MGRN1: variants seen among roughly 807,000 people sequenced by gnomAD.
The protein encoded by MGRN1 is E3 ubiquitin-protein ligase MGRN1.
Under a neutral mutation model 69.2 loss-of-function variants are expected in MGRN1, and 29 were observed. The ratio of observed to expected loss-of-function variants is 0.42; its 90% CI spans 0.31 to 0.57. The LOEUF (loss-of-function observed/expected upper bound fraction) is 0.57, where lower values mean the gene tolerates loss of function less well. MGRN1 is among the 20% of genes least tolerant of loss of function. The pLI is 0.15. For missense variants in MGRN1, 998 were observed against 796.2 expected (o/e 1.25, Z -3.05); for synonymous variants, 470 against 344.2 (o/e 1.37, Z -4.04).
At chr16:4,669,776 G>C (rs1283393988) in intron 8 of MGRN1, among the ~76,000 whole-genome samples, 1 of 152,158 alleles carries the variant, frequency 6.6e-6, no homozygotes, top group Non-Finnish European at 1.5e-5. Flanking sequence ...AAATAGTTGA[G>C]AATAAATGGA....
chr16:4,638,609 G>A (rs913167755), intron 1 of MGRN1, among the ~76,000 whole-genome samples: 1 of 152,228 alleles, frequency 6.6e-6, no homozygotes, highest in Non-Finnish European at 1.5e-5. Flanking sequence ...GCACTCGAAG[G>A]CTGTGGGGCT....
At chr16:4,671,514 A>C in intron 9 of MGRN1, 55 bp downstream of exon 9, 1 of 1,531,450 alleles carries the variant, frequency 6.5e-7, no homozygotes, top group Non-Finnish European at 9.1e-7. Context: ...CACCAGGAGC[A>C]GCCGCGGACA....
intron 6 of MGRN1, 87 bp downstream of exon 6, chr16:4,664,862 T>C: frequency 6.5e-7 from 1 of 1,543,554 alleles, no homozygotes; most frequent in Non-Finnish European, 8.9e-7. Flanking sequence ...GCAGCAGTGA[T>C]GAAGCAGGCC....
At chr16:4,638,051 G>C (rs569112680) in intron 1 of MGRN1, among the ~76,000 whole-genome samples, 1 of 152,352 alleles carries the variant, frequency 6.6e-6, no homozygotes, top group African/African-American at 2.4e-5. Context: ...TTACATATGG[G>C]AGGTCCGAAA....
chr16:4,647,931 A>C (rs1403821499), intron 1 of MGRN1, among the ~76,000 whole-genome samples: 1 of 151,800 alleles, frequency 6.6e-6, no homozygotes, highest in Non-Finnish European at 1.5e-5. Context: ...AGCACCCTGG[A>C]ATCACTGTTG....
At position 4,689,109 on chromosome 16, in the gene MGRN1, T is replaced by C. The variant is rs914138100; in HGVS notation, c.*201T>C. On this transcript the variant is annotated 3_prime_UTR_variant, in exon 17 of 17. Coordinates refer to ENST00000262370, the MANE Select transcript of MGRN1 (RefSeq NM_015246.4). ...CCCTTTTCTACAGTTGATATATTTG[T>C]AACTGGTACAAGATGAAGGACAGCA... The C allele has an allele frequency of 1.5e-6, 1 of 667,714 alleles. No individual in the cohort carries two copies. Among genetic ancestry groups the C allele is most frequent in the Non-Finnish European group, 2.3e-6 (1 of 426,638 alleles). The allele number at this position is 667,714 out of a possible 1,614,324, so 41.4% of individuals were successfully genotyped here. A position where few individuals can be genotyped will look rare whatever the true frequency, so the allele number is the denominator to read the frequency against.
intron 1 of MGRN1, among the ~76,000 whole-genome samples, chr16:4,640,793 C>T (rs539717515): frequency 3.9e-5 from 6 of 152,326 alleles, no homozygotes; most frequent in Admixed American, 2.0e-4. Flanking sequence ...CTCCTGTCCC[C>T]GTGGTCCCCC....
chr16:4,628,546 T>C (rs80100774), intron 1 of MGRN1, among the ~76,000 whole-genome samples: 1 of 152,066 alleles, frequency 6.6e-6, no homozygotes, highest in Non-Finnish European at 1.5e-5. Context: ...ATCAGCGATC[T>C]GCTTTCTTTT....
Position 4,670,876 on chromosome 16 carries a change from G to A in MGRN1, c.727-515G>A, listed in dbSNP as rs75493411. 3.2e-4 allele frequency among the ~76,000 whole-genome samples: 48 copies of A among 152,336 alleles called. 1 individual carries two copies. The East Asian group carries it at 7.3e-3, about 23-fold the overall frequency. On this transcript the variant is annotated intron_variant, in intron 8 of 16. Coordinates refer to ENST00000262370, the MANE Select transcript of MGRN1 (RefSeq NM_015246.4). Reference sequence around the variant, plus strand: ...CCCATGGTCTCTGGGAAACCCAGCAGCACAAACCGCTTTGCAATGTGGTCA... The same window carrying A: ...CCCATGGTCTCTGGGAAACCCAGCAACACAAACCGCTTTGCAATGTGGTCA...
intron 16 of MGRN1, 82 bp downstream of exon 16, chr16:4,684,014 GC>G: frequency 8.2e-7 from 1 of 1,218,210 alleles, no homozygotes; most frequent in Non-Finnish European, 1.2e-6. Flanking sequence ...GATGGTCGGT[GC>G]ATAGCAGCAG....
At chr16:4,663,798 G>A (rs2078738005) in intron 5 of MGRN1, among the ~76,000 whole-genome samples, 1 of 152,250 alleles carries the variant, frequency 6.6e-6, no homozygotes, top group Non-Finnish European at 1.5e-5. Context: ...GGTCTGAGAG[G>A]ATGGCACTGT....
intron 9 of MGRN1, 151 bp downstream of exon 9, chr16:4,671,610 G>A (rs1008526975): frequency 5.7e-6 from 4 of 696,056 alleles, no homozygotes; most frequent in Non-Finnish European, 9.9e-6. Flanking sequence ...TTTTTTTAAA[G>A]CTAACAGTTT....
At chr16:4,648,660 C>T (rs866812159) in intron 1 of MGRN1, among the ~76,000 whole-genome samples, 63 of 94,168 alleles carry the variant, frequency 6.7e-4, no homozygotes, top group African/African-American at 3.2e-3. Flanking sequence ...GCTCCTCCTC[C>T]CGGGGACTCT....
chr16:4,664,941 G>T (rs1429596560), intron 6 of MGRN1, among the ~76,000 whole-genome samples, 161 bp from the exon 7 acceptor site: 1 of 152,218 alleles, frequency 6.6e-6, no homozygotes, highest in Non-Finnish European at 1.5e-5. Context: ...AGGTGAGGAG[G>T]TGGAAAGTGC....
chr16:4,645,613 G>T (rs1048910575), intron 1 of MGRN1, among the ~76,000 whole-genome samples: 1 of 152,214 alleles, frequency 6.6e-6, no homozygotes, highest in African/African-American at 2.4e-5. Context: ...GGGTGTGGGA[G>T]GCTTGGCAAG....
intron 10 of MGRN1, among the ~76,000 whole-genome samples, chr16:4,674,892 G>T (rs1487663387): frequency 3.3e-5 from 5 of 150,072 alleles, no homozygotes; most frequent in African/African-American, 9.8e-5. Flanking sequence ...CACCCGCCTC[G>T]GCCTCCCAAA....
At chr16:4,663,317 C>A (rs2141918534) in intron 5 of MGRN1, among the ~76,000 whole-genome samples, 1 of 151,330 alleles carries the variant, frequency 6.6e-6, no homozygotes, top group African/African-American at 2.4e-5. Context: ...GCCACCTAGG[C>A]CTCCCAAAGT....
At chr16:4,685,388 C>A (rs553115720) in intron 16 of MGRN1, among the ~76,000 whole-genome samples, 3 of 152,218 alleles carry the variant, frequency 2.0e-5, no homozygotes, top group African/African-American at 7.2e-5. Flanking sequence ...GCCAGGACTC[C>A]GAGTCTCATG....
chr16:4,643,403 ATTTTTTT>A (rs34438924), intron 1 of MGRN1, among the ~76,000 whole-genome samples: 15 of 109,822 alleles, frequency 1.4e-4, no homozygotes, highest in East Asian at 1.1e-3. Flanking sequence ...GCCTTGCTTG[ATTTTTTT>A]TTTTTTTTTT....
Sources: allele counts gnomAD v4.1 joint callset (sites outside exome capture counted in the v4.1 genomes callset), GRCh38; gene constraint gnomAD v4.1.1; transcripts MANE v1.5; gene names NCBI Gene and HGNC (gene_info 2026-07-23, HGNC 2026-07-21).